NPSR1: variants seen among roughly 807,000 people sequenced by gnomAD.
The protein encoded by NPSR1 is neuropeptide S receptor 1.
A neutral mutation model predicts 46.9 loss-of-function variants in NPSR1; 48 were observed. The ratio of observed to expected loss-of-function variants is 1.02; its 90% confidence interval spans 0.81 to 1.30. The LOEUF is 1.30. Ranked by LOEUF, NPSR1 falls within the 50% of genes most tolerant of loss-of-function variation. The probability of loss-of-function intolerance (pLI) is 0.00; values close to 1 mark genes in which losing one functional copy is unlikely to be tolerated. For missense variants in NPSR1, 450 were observed against 449.5 expected, an observed-to-expected ratio of 1.00 and a Z score of -0.01; for synonymous variants, 176 against 168.1, an observed-to-expected ratio of 1.05 and a Z score of -0.36.
At chr7:34,864,889 G>T (rs750193325) in intron 8 of NPSR1, among the ~76,000 whole-genome samples, 1 of 151,858 alleles carries the variant, frequency 6.6e-6, no homozygotes, top group Non-Finnish European at 1.5e-5. Flanking sequence ...GCCTGTGTTT[G>T]TCCCCTCTTC....
intron 3 of NPSR1, among the ~76,000 whole-genome samples, chr7:34,804,581 A>G (rs1562741854): frequency 6.6e-6 from 1 of 152,238 alleles, no homozygotes; most frequent in East Asian, 1.9e-4. Context: ...TTTAATGGCA[A>G]GAAATTAGGT....
chr7:34,821,950 A>C (rs1789577757), intron 4 of NPSR1, among the ~76,000 whole-genome samples: 1 of 152,192 alleles, frequency 6.6e-6, no homozygotes, highest in African/African-American at 2.4e-5. Context: ...CACTGAAGAA[A>C]TCTAAAAACA....
chr7:34,798,050 A>G (rs1033690857), intron 3 of NPSR1, among the ~76,000 whole-genome samples: 1 of 152,218 alleles, frequency 6.6e-6, no homozygotes, highest in African/African-American at 2.4e-5. Flanking sequence ...ATAAAGGGGA[A>G]AATGATAAAA....
intron 2 of NPSR1, among the ~76,000 whole-genome samples, chr7:34,709,037 A>T (rs1282066276): frequency 2.0e-5 from 3 of 152,134 alleles, no homozygotes; most frequent in Non-Finnish European, 4.4e-5. Context: ...TTCCTTTTGA[A>T]TTCCACCATC....
In NPSR1 at chr7:34,735,972, T is replaced by C. The variant is rs1784648436; in HGVS notation, c.281-42490T>C. On this transcript the variant is annotated intron_variant, in intron 2 of 8. Transcript: ENST00000360581. ...ATATATGCACCATAAACTCCAGCTA[T>C]ATAAAAAAGTGAAGCCTCACATTAA... 2.6e-5 allele frequency among the ~76,000 whole-genome samples: 4 copies of C among 152,166 alleles called. 1 individual carries two copies. In the South Asian group the frequency reaches 8.3e-4, roughly 32 times the overall value.
downstream of NPSR1, among the ~76,000 whole-genome samples, chr7:34,850,839 C>T (rs191166728): frequency 5.9e-5 from 9 of 152,264 alleles, no homozygotes; most frequent in Admixed American, 3.9e-4. Flanking sequence ...TAGGTTCCTG[C>T]GGCTTTTCCA....
intron 8 of NPSR1, among the ~76,000 whole-genome samples, chr7:34,865,435 T>C (rs979250070): frequency 2.0e-5 from 3 of 151,678 alleles, no homozygotes; most frequent in Non-Finnish European, 4.4e-5. Flanking sequence ...CTGAGCATGC[T>C]CAGTAGAATC....
intron 2 of NPSR1, among the ~76,000 whole-genome samples, chr7:34,707,390 C>T (rs567101649): frequency 6.6e-6 from 1 of 152,178 alleles, no homozygotes; most frequent in African/African-American, 2.4e-5. Flanking sequence ...ATAGAAATAG[C>T]TGGCTTCTGG....
At chr7:34,682,495 C>T (rs1792695130) in intron 1 of NPSR1, among the ~76,000 whole-genome samples, 1 of 152,210 alleles carries the variant, frequency 6.6e-6, no homozygotes, top group African/African-American at 2.4e-5. Flanking sequence ...GTGAGACCTT[C>T]TGATGGAGAC....
At chr7:34,792,061 C>A (rs1787906488) in intron 3 of NPSR1, among the ~76,000 whole-genome samples, 1 of 151,754 alleles carries the variant, frequency 6.6e-6, no homozygotes, top group African/African-American at 2.4e-5. Flanking sequence ...AGAAAAAAAT[C>A]AACTCAAAAC....
intron 5 of NPSR1, among the ~76,000 whole-genome samples, chr7:34,832,038 G>T (rs1380881050): frequency 2.0e-5 from 3 of 152,168 alleles, no homozygotes; most frequent in Non-Finnish European, 4.4e-5. Context: ...GCCAGCACTG[G>T]CCATGGGCAT....
intron 5 of NPSR1, among the ~76,000 whole-genome samples, chr7:34,830,520 C>T (rs1192288380): frequency 6.6e-6 from 1 of 152,024 alleles, no homozygotes; most frequent in Non-Finnish European, 1.5e-5. Context: ...TGCCACTTTT[C>T]TTGTTTAAAT....
At chr7:34,691,453 G>A (rs1793249645) in intron 2 of NPSR1, among the ~76,000 whole-genome samples, 1 of 152,040 alleles carries the variant, frequency 6.6e-6, no homozygotes, top group Non-Finnish European at 1.5e-5. Flanking sequence ...TCAACTATCT[G>A]CTACCTACAA....
chr7:34,872,500 A>G lies in NPSR1; in HGVS notation c.1026-5576A>G, dbSNP rs182900335. On this transcript the variant is annotated intron_variant, in intron 8 of 8. Coordinates refer to the NPSR1 transcript ENST00000359791. The stretch of plus-strand genomic sequence containing the variant: ...TGCTTGAACTTCTCTCCTGAAAATG[A>G]TTTTCTTTCCTGCTACATGGCCTGT... 1.5e-3 allele frequency among the ~76,000 whole-genome samples: 222 copies of G among 151,912 alleles called. 2 individuals are homozygous for G. Among genetic ancestry groups the G allele is most frequent in the Admixed American group, 3.4e-3 (52 of 15,290 alleles).
intron 3 of NPSR1, among the ~76,000 whole-genome samples, chr7:34,784,693 G>C (rs1019265568): frequency 6.3e-4 from 96 of 152,196 alleles, no homozygotes; most frequent in Non-Finnish European, 1.2e-3. Context: ...GATGATGCTG[G>C]CCTCATAAAA....
intron 2 of NPSR1, chr7:34,710,839 A>G (rs1378260886): frequency 7.8e-6 from 4 of 510,092 alleles, no homozygotes; most frequent in Non-Finnish European, 3.7e-6. Flanking sequence ...ACAGAGCTGA[A>G]GATCAAGCAC....
intron 1 of NPSR1, among the ~76,000 whole-genome samples, chr7:34,683,836 C>T (rs1792785040): frequency 6.6e-6 from 1 of 152,142 alleles, no homozygotes; most frequent in Non-Finnish European, 1.5e-5. Context: ...TACCTTAACT[C>T]CATTGCTTTG....
At chr7:34,827,215 A>C (rs1789898036) in intron 4 of NPSR1, among the ~76,000 whole-genome samples, 186 bp from the exon 5 acceptor site, 1 of 152,204 alleles carries the variant, frequency 6.6e-6, no homozygotes, top group African/African-American at 2.4e-5. Flanking sequence ...TTCCCTTTGT[A>C]ATCTTCACAT....
chr7:34,843,223 A>C (rs1790631090), intron 6 of NPSR1, among the ~76,000 whole-genome samples: 1 of 152,222 alleles, frequency 6.6e-6, no homozygotes, highest in Non-Finnish European at 1.5e-5. Flanking sequence ...TTTTTAAAAA[A>C]AGAGATTTAT....
Sources: gnomAD v4.1 joint callset for allele counts (sites outside exome capture counted in the v4.1 genomes callset) on GRCh38, gnomAD v4.1.1 for gene constraint, MANE v1.5 for transcripts, NCBI Gene and HGNC (gene_info 2026-07-23, HGNC 2026-07-21) for gene names.